Variants in NSMCE2 observed in about 807,000 individuals in gnomAD.
NSMCE2 encodes the protein E3 SUMO-protein ligase NSE2.
NSMCE2 carries 24 observed loss-of-function variants against 23.8 expected under a neutral mutation model. The ratio of observed to expected loss-of-function variants is 1.01; its 90% CI spans 0.73 to 1.42. The LOEUF is 1.42. Ranked by LOEUF, NSMCE2 falls within the 40% of genes most tolerant of loss-of-function variation. The pLI is 0.00. For synonymous variants in NSMCE2, 92 were observed against 94.1 expected (o/e 0.98, Z 0.13); for missense variants, 284 against 296.5 (o/e 0.96, Z 0.31).
At chr8:125,155,086 G>C (rs1474429350) in intron 4 of NSMCE2, among the ~76,000 whole-genome samples, 1 of 152,186 alleles carries the variant, frequency 6.6e-6, no homozygotes. Context: ...AAGTCCATGT[G>C]ACCTTCACCT....
At chr8:125,152,692 G>T (rs1821099216) in intron 4 of NSMCE2, among the ~76,000 whole-genome samples, 1 of 152,288 alleles carries the variant, frequency 6.6e-6, no homozygotes, top group South Asian at 2.1e-4. Context: ...TGGAGTCAAA[G>T]AACGTTATGT....
intron 5 of NSMCE2, among the ~76,000 whole-genome samples, chr8:125,342,035 G>T (rs963577796): frequency 6.6e-6 from 1 of 152,158 alleles, no homozygotes; most frequent in Non-Finnish European, 1.5e-5. Flanking sequence ...GGGGGTTAAG[G>T]GGAGACTCCT....
At chr8:125,317,476 C>T (rs769749977) in intron 5 of NSMCE2, among the ~76,000 whole-genome samples, 4 of 152,164 alleles carry the variant, frequency 2.6e-5, no homozygotes, top group African/African-American at 7.2e-5. Flanking sequence ...GGATTACAGG[C>T]GTGCACCACC....
At chr8:125,137,016 T>C (rs894365488) in intron 3 of NSMCE2, among the ~76,000 whole-genome samples, 1 of 152,160 alleles carries the variant, frequency 6.6e-6, no homozygotes, top group Non-Finnish European at 1.5e-5. Context: ...TATGATAACT[T>C]ATTTTTTGGT....
At chr8:125,136,562 T>C (rs1820078822) in intron 3 of NSMCE2, among the ~76,000 whole-genome samples, 1 of 152,154 alleles carries the variant, frequency 6.6e-6, no homozygotes, top group African/African-American at 2.4e-5. Context: ...AATAGTACTG[T>C]GGTGTTATAA....
At chr8:125,292,330 G>A (rs1828142671) in intron 5 of NSMCE2, among the ~76,000 whole-genome samples, 1 of 152,076 alleles carries the variant, frequency 6.6e-6, no homozygotes, top group African/African-American at 2.4e-5. Context: ...CAAGGTGGGT[G>A]GATCACTTGA....
chr8:125,331,299 CAAAAAAT>C (rs925417946), intron 5 of NSMCE2, among the ~76,000 whole-genome samples: 1 of 151,898 alleles, frequency 6.6e-6, no homozygotes, highest in Non-Finnish European at 1.5e-5. Context: ...GACTCCGTCT[CAAAAAAT>C]AAAAAATAAT....
At position 125,357,282 on chromosome 8, in the gene NSMCE2, C is replaced by T; in HGVS notation, c.482C>T (p.Thr161Ile). The T allele has an allele frequency of 6.2e-7, 1 of 1,613,634 alleles. No homozygotes were observed. Among genetic ancestry groups the T allele is most frequent in the Non-Finnish European group, 8.5e-7 (1 of 1,179,520 alleles). The change falls in exon 6 of 8, where the codon ACC becomes ATC. Residue 161 changes from threonine (T) to isoleucine (I), a missense_variant. Thr to Ile is a moderately conservative substitution (Grantham distance 89). Around this residue, in one of 2 missense-constraint regions of NSMCE2, gnomAD observed 102 missense variants for 141.0 expected, o/e 0.72. Transcript: ENST00000287437. ...GGAGTGGATGAAGATATAATTGTGA[C>T]CCAAAGTCAGACCAACTTCACCTGC... Reference protein sequence around the residue: ...TEGVDEDIIVTQSQTNFTCPI... With the variant: ...TEGVDEDIIVIQSQTNFTCPI...
chr8:125,175,961 G>A (rs527286842), intron 4 of NSMCE2, among the ~76,000 whole-genome samples: 5 of 152,202 alleles, frequency 3.3e-5, no homozygotes, highest in African/African-American at 1.2e-4. Flanking sequence ...GCCTCTATAT[G>A]GACAGAGCCA....
chr8:125,181,852 G>C (rs1822833583), intron 4 of NSMCE2, among the ~76,000 whole-genome samples: 1 of 152,142 alleles, frequency 6.6e-6, no homozygotes, highest in African/African-American at 2.4e-5. Context: ...CAAGTTAGTA[G>C]GATCATTGAA....
intron 5 of NSMCE2, among the ~76,000 whole-genome samples, chr8:125,248,632 G>A (rs953593285): frequency 2.0e-5 from 3 of 151,688 alleles, no homozygotes; most frequent in Non-Finnish European, 2.9e-5. Flanking sequence ...CAGCCTGGGC[G>A]ACAGAGCAAG....
chr8:125,146,892 A>G (rs1175535940), intron 3 of NSMCE2, among the ~76,000 whole-genome samples: 1 of 152,142 alleles, frequency 6.6e-6, no homozygotes, highest in Admixed American at 6.6e-5. Context: ...AACTTAAAGT[A>G]TAAAAAAAAC....
intron 5 of NSMCE2, among the ~76,000 whole-genome samples, chr8:125,254,944 G>C (rs1359497432): frequency 6.6e-6 from 1 of 152,132 alleles, no homozygotes; most frequent in Non-Finnish European, 1.5e-5. Flanking sequence ...GTGGGACTCT[G>C]CCCCTTCCAC....
At chr8:125,274,934 A>G (rs1282959959) in intron 5 of NSMCE2, among the ~76,000 whole-genome samples, 1 of 150,094 alleles carries the variant, frequency 6.7e-6, no homozygotes, top group Admixed American at 6.6e-5. Context: ...AGTCTCAAAA[A>G]AAAAAAAAAA....
intron 5 of NSMCE2, among the ~76,000 whole-genome samples, chr8:125,267,992 G>A (rs1234265882): frequency 2.6e-5 from 4 of 151,900 alleles, no homozygotes; most frequent in African/African-American, 7.3e-5. Flanking sequence ...ACTTTGGGAA[G>A]CTGAGGTGGG....
chr8:125,183,459 C>G lies in NSMCE2; in HGVS notation c.418+1203C>G, dbSNP rs559016217. ...CAACATTCTTCTAATGTATTTTTCACTCTTCCCTCAAATGATTAATAATTT... is the reference window on the plus strand; with the variant it reads ...CAACATTCTTCTAATGTATTTTTCAGTCTTCCCTCAAATGATTAATAATTT... On this transcript the variant is annotated intron_variant, in intron 5 of 7. Coordinates refer to ENST00000287437, the MANE Select transcript of NSMCE2 (RefSeq NM_173685.4). Among the ~76,000 whole-genome samples the G allele has an allele frequency of 1.7e-4, 26 of 152,124 alleles. No homozygotes were observed. The South Asian group carries it at 2.3e-3, about 13-fold the overall frequency.
At chr8:125,235,244 T>TAAAA (rs60442484) in intron 5 of NSMCE2, among the ~76,000 whole-genome samples, 57 of 141,542 alleles carry the variant, frequency 4.0e-4, no homozygotes, top group African/African-American at 1.4e-3. Flanking sequence ...CCATCTCAAT[T>TAAAA]AAAAAAAAAA....
At chr8:125,283,757 A>T (rs901696976) in intron 5 of NSMCE2, among the ~76,000 whole-genome samples, 1 of 152,204 alleles carries the variant, frequency 6.6e-6, no homozygotes, top group Non-Finnish European at 1.5e-5. Context: ...GACACAGCAC[A>T]GTCAACATGT....
chr8:125,105,775 A>T (rs1818428905), intron 3 of NSMCE2, among the ~76,000 whole-genome samples: 1 of 152,190 alleles, frequency 6.6e-6, no homozygotes, highest in South Asian at 2.1e-4. Flanking sequence ...GATTTGGCTC[A>T]CAGGTCTTAG....
Sources: allele counts gnomAD v4.1 joint callset (sites outside exome capture counted in the v4.1 genomes callset), GRCh38; gene constraint gnomAD v4.1.1; regional missense constraint gnomAD v4.1.1; transcripts MANE v1.5; gene names NCBI Gene and HGNC (gene_info 2026-07-23, HGNC 2026-07-21).